The following ZMYM4 variants were observed in gnomAD, a reference collection of about 807,000 sequenced individuals.
ZMYM4 encodes zinc finger MYM-type protein 4.
A neutral mutation model predicts 183.2 loss-of-function variants in ZMYM4; 31 were observed. That is an observed-to-expected ratio of 0.17 (90% CI 0.13 to 0.23). The LOEUF is 0.23. ZMYM4 is among the 10% of genes least tolerant of loss of function. The probability of loss-of-function intolerance (pLI) is 1.00; values close to 1 mark genes in which losing one functional copy is unlikely to be tolerated. For synonymous variants in ZMYM4, 592 were observed against 631.2 expected (o/e 0.94, Z 0.93); for missense variants, 1,273 against 1,840.3 (o/e 0.69, Z 5.64).
intron 1 of ZMYM4, among the ~76,000 whole-genome samples, chr1:35,306,086 C>T (rs1183872802): frequency 2.6e-5 from 4 of 152,018 alleles, no homozygotes; most frequent in Non-Finnish European, 5.9e-5. Flanking sequence ...CTTCTGTCTT[C>T]TTATTTGTGT....
At position 35,385,453 on chromosome 1, in the gene ZMYM4, A is replaced by T; in HGVS notation, c.1581A>T (p.Lys527Asn). The change falls in exon 10 of 30, where the codon AAA (lysine) becomes AAT (asparagine). Residue 527 changes from lysine (K) to asparagine (N), a missense_variant. Lys to Asn is a moderately conservative substitution (Grantham distance 94). Coordinates refer to ENST00000314607, the MANE Select transcript of ZMYM4 (RefSeq NM_005095.3). Reference protein sequence around the residue: ...CITAYKQKSAKITPCALCKSL... With the variant: ...CITAYKQKSANITPCALCKSL... ...TATTCTCTTAATAGAAATCAGCCAAAATTACACCGTGTGCGCTTTGCAAAT... is the reference window on the plus strand; with the variant it reads ...TATTCTCTTAATAGAAATCAGCCAATATTACACCGTGTGCGCTTTGCAAAT... 6.2e-7 allele frequency: 1 copy of T among 1,605,154 alleles called. No individual in the cohort carries two copies. Among genetic ancestry groups the T allele is most frequent in the Non-Finnish European group, 8.5e-7 (1 of 1,177,934 alleles).
At chr1:35,273,286 TAC>T (rs952484271) in intron 1 of ZMYM4, among the ~76,000 whole-genome samples, 27 of 151,990 alleles carry the variant, frequency 1.8e-4, no homozygotes, top group African/African-American at 5.5e-4. Flanking sequence ...CACAAATACA[TAC>T]ACACACACAC....
At chr1:35,271,781 A>C (rs1298537219) in intron 1 of ZMYM4, among the ~76,000 whole-genome samples, 1 of 152,164 alleles carries the variant, frequency 6.6e-6, no homozygotes, top group African/African-American at 2.4e-5. Flanking sequence ...TGCCAGTTTC[A>C]TCACAGAGGA....
chr1:35,308,955 A>G, intron 1 of ZMYM4: 1 of 985,054 alleles, frequency 1.0e-6, no homozygotes, highest in Non-Finnish European at 1.2e-6. Flanking sequence ...TAGCAAGTTG[A>G]AAGATTAGAG....
chr1:35,269,149 G>A, intron 1 of ZMYM4, 64 bp downstream of exon 1: 2 of 1,537,204 alleles, frequency 1.3e-6, no homozygotes, highest in Non-Finnish European at 8.8e-7. Flanking sequence ...CCGGGAATGG[G>A]CCATACTCAG....
chr1:35,421,609 C>G lies in ZMYM4; in HGVS notation c.*1932C>G, dbSNP rs1640327680. 1 of 152,068 alleles carries G rather than the reference C, an allele frequency of 6.6e-6. No individual in the cohort carries two copies. Among genetic ancestry groups the G allele is most frequent in the Non-Finnish European group, 1.5e-5 (1 of 68,000 alleles). 9.4% of individuals were successfully genotyped at this position (152,068 alleles called of 1,614,324 possible). A position where few individuals can be genotyped will look rare whatever the true frequency, so the allele number is the denominator to read the frequency against. On this transcript the variant is annotated 3_prime_UTR_variant, in exon 30 of 30. Transcript: ENST00000314607. ...AATCTGTATCTTTTACTGAGAACAC[C>G]CAATACCCAGATAAATGACTGTATC... is the stretch of plus-strand genomic sequence containing the variant.
rs1348657143 is a variant in ZMYM4 at position 35,421,566 on chromosome 1, T to C, written c.*1889T>C. 6.6e-5 allele frequency: 10 copies of C among 152,278 alleles called. No homozygotes were observed. In the South Asian group the frequency reaches 1.9e-3, roughly 28 times the overall value. 9.4% of individuals were successfully genotyped at this position (152,278 alleles called of 1,614,324 possible). On this transcript the variant is annotated 3_prime_UTR_variant, in exon 30 of 30. Transcript: ENST00000314607. ...TGTTAGCATAGTAGATAAATTGTTA[T>C]GAAATACCAGAAAAAAAAATCTGTA...
intron 7 of ZMYM4, among the ~76,000 whole-genome samples, chr1:35,373,139 A>G (rs1644250890): frequency 6.6e-6 from 1 of 152,018 alleles, no homozygotes; most frequent in South Asian, 2.1e-4. Context: ...AGCCTGGATG[A>G]CAGAGTGAGA....
Position 35,325,343 on chromosome 1 carries a change from CT to C in ZMYM4, c.40-11del. On this transcript the variant is annotated splice_polypyrimidine_tract_variant and intron_variant, in intron 1 of 29. Coordinates refer to ENST00000314607, the MANE Select transcript of ZMYM4 (RefSeq NM_005095.3). ...GATATGATGGTAATGTTACTTTTTC[CT>C]TTTTTGCTTTTCCAGTTTGAACAAA... 1 of 1,596,286 alleles carries C rather than the reference CT, an allele frequency of 6.3e-7. No individual in the cohort carries two copies. The highest frequency in any genetic ancestry group is 1.7e-5 in the Admixed American group (1 of 58,226).
Position 35,405,452 on chromosome 1 carries a change from A to C in ZMYM4, c.3780A>C (p.Ser1260=). The change falls in exon 25 of 30, where the codon TCA becomes TCC. Residue 1260 remains serine (S), a synonymous_variant. Coordinates refer to ENST00000314607, the MANE Select transcript of ZMYM4 (RefSeq NM_005095.3). ...ACCATGCACTCTCTCAAGAATCCTC[A>C]GAGCCAGGCTGTAGAGGTAAAATTT... ...TQDHALSQES[S]EPGCRVRSIK... 1 of 1,609,854 alleles carries C rather than the reference A, an allele frequency of 6.2e-7. No individual in the cohort carries two copies. The highest frequency in any genetic ancestry group is 8.5e-7 in the Non-Finnish European group (1 of 1,178,332).
At chr1:35,315,758 C>G (rs1028357140) in intron 1 of ZMYM4, among the ~76,000 whole-genome samples, 1 of 151,778 alleles carries the variant, frequency 6.6e-6, no homozygotes, top group Non-Finnish European at 1.5e-5. Flanking sequence ...CAGTGAGACC[C>G]TGTCTCTACA....
chr1:35,297,157 AC>A (rs1468705707), intron 1 of ZMYM4, among the ~76,000 whole-genome samples: 1 of 150,710 alleles, frequency 6.6e-6, no homozygotes, highest in East Asian at 1.9e-4. Flanking sequence ...GCCTGCTCTT[AC>A]TTTTTCTTTC....
intron 2 of ZMYM4, among the ~76,000 whole-genome samples, chr1:35,354,348 C>A (rs918289578): frequency 6.6e-6 from 1 of 152,146 alleles, no homozygotes; most frequent in Non-Finnish European, 1.5e-5. Flanking sequence ...TGAACACATA[C>A]GCTGTTTTCA....
Position 35,365,961 on chromosome 1 carries a change from C to G in ZMYM4, c.841-4068C>G, listed in dbSNP as rs565661385. 4.6e-5 allele frequency: 7 copies of G among 152,164 alleles called. No individual in the cohort carries two copies. In the East Asian group the frequency reaches 1.2e-3, roughly 25 times the overall value. The allele number at this position is 152,164 out of a possible 1,614,324, so 9.4% of individuals were successfully genotyped here. On this transcript the variant is annotated intron_variant, in intron 5 of 29. Coordinates refer to ENST00000314607, the MANE Select transcript of ZMYM4 (RefSeq NM_005095.3). Reference sequence around the variant, plus strand: ...ATTTTACTATATTACATAAATAATACGTACTCAAGGCTAAAGGAATCCAGC... The same window carrying G: ...ATTTTACTATATTACATAAATAATAGGTACTCAAGGCTAAAGGAATCCAGC...
Position 35,385,120 on chromosome 1 carries a change from T to C in ZMYM4, c.1570-322T>C, listed in dbSNP as rs112690090. ...TCGGCCTCCCGATGTGCTGGGATTATAGGGGTGAGCCACTACGCCTGGCCG... is the reference window on the plus strand; with the variant it reads ...TCGGCCTCCCGATGTGCTGGGATTACAGGGGTGAGCCACTACGCCTGGCCG... On this transcript the variant is annotated intron_variant, in intron 9 of 29. Coordinates refer to ENST00000314607, the MANE Select transcript of ZMYM4 (RefSeq NM_005095.3). Among the ~76,000 whole-genome samples the C allele has an allele frequency of 8.5e-5, 13 of 152,278 alleles. 2 individuals carry two copies. Among genetic ancestry groups the C allele is most frequent in the African/African-American group, 2.6e-4 (11 of 41,556 alleles).
At chr1:35,314,664 A>T (rs1318572994) in intron 1 of ZMYM4, among the ~76,000 whole-genome samples, 60 of 88,910 alleles carry the variant, frequency 6.7e-4, no homozygotes, top group South Asian at 1.8e-3. Context: ...TTCAAAAATG[A>T]TTTTTTTTTT....
chr1:35,269,168 AG>A, intron 1 of ZMYM4, 83 bp downstream of exon 1: 1 of 1,510,056 alleles, frequency 6.6e-7, no homozygotes, highest in South Asian at 1.2e-5. Context: ...AGGTTCGTGG[AG>A]GGGTCGCCGA....
Position 35,389,168 on chromosome 1 carries a change from T to A in ZMYM4, c.2436+86T>A. Reference sequence around the variant, plus strand: ...ATTTCATGTCACATAAAGGACAATTTAATTATTTAAAACTTTTAAGTATTA... The same window carrying A: ...ATTTCATGTCACATAAAGGACAATTAAATTATTTAAAACTTTTAAGTATTA... On this transcript the variant is annotated intron_variant, in intron 14 of 29. Transcript: ENST00000314607. The surrounding 1 kb of genome is among the most constrained non-coding windows in gnomAD (Gnocchi z 4.0). The A allele has an allele frequency of 7.3e-7, 1 of 1,362,346 alleles. No individual in the cohort carries two copies. The highest frequency in any genetic ancestry group is 9.9e-7 in the Non-Finnish European group (1 of 1,006,704). The allele number at this position is 1,362,346 out of a possible 1,614,324, so 84.4% of individuals were successfully genotyped here.
chr1:35,276,983 G>T (rs1639910197), intron 1 of ZMYM4, among the ~76,000 whole-genome samples: 2 of 152,110 alleles, frequency 1.3e-5, no homozygotes, highest in African/African-American at 2.4e-5. Flanking sequence ...ATAGGTTATT[G>T]TTCCAGGATA....
Sources: gnomAD v4.1 joint callset for allele counts (sites outside exome capture counted in the v4.1 genomes callset) on GRCh38, gnomAD v4.1.1 for gene constraint, Gnocchi (gnomAD v3.1) non-coding constraint, MANE v1.5 for transcripts, NCBI Gene and HGNC (gene_info 2026-07-23, HGNC 2026-07-21) for gene names.